The following YBX1 variants were observed in gnomAD, a reference collection of about 807,000 sequenced individuals.
YBX1 encodes Y-box binding protein 1, also known as Y-box-binding protein 1.
YBX1 carries 3 observed loss-of-function variants against 41.4 expected under a neutral mutation model. The observed-to-expected ratio is 0.07, with a 90% CI of 0.03 to 0.19. The LOEUF is 0.19. Ranked by LOEUF, YBX1 falls within the 10% of genes least tolerant of loss-of-function variation. The pLI is 1.00. For synonymous variants in YBX1, 133 were observed against 165.8 expected, an observed-to-expected ratio of 0.80 and a Z score of 1.52; for missense variants, 274 against 462.8, an observed-to-expected ratio of 0.59 and a Z score of 3.74.
chr1:42,694,443 C>T (rs1650411481), intron 3 of YBX1, among the ~76,000 whole-genome samples: 1 of 152,248 alleles, frequency 6.6e-6, no homozygotes, highest in African/African-American at 2.4e-5. Context: ...ATATTGTCAA[C>T]TTGTATTAAA....
Position 42,682,584 on chromosome 1 carries a change from AC to A in YBX1, c.22del (p.Gln8SerfsTer56). On this transcript the variant is annotated frameshift_variant, in exon 1 of 8. Transcript: ENST00000321358. LOFTEE classifies it high-confidence loss of function. Reference sequence around the variant, plus strand: ...CGCAACCATGAGCAGCGAGGCCGAGACCCAGCAGCCGCCCGCCGCCCCCCCC... The same window carrying A: ...CGCAACCATGAGCAGCGAGGCCGAGACCAGCAGCCGCCCGCCGCCCCCCCC... The part of the protein sequence containing the change: MSSEAE[T>X]QQPPAAPPAA... The A allele has an allele frequency of 6.9e-7, 1 of 1,457,108 alleles. No individual in the cohort carries two copies. The highest frequency in any genetic ancestry group is 2.4e-5 in the Admixed American group (1 of 41,168). 90.3% of individuals were successfully genotyped at this position (1,457,108 alleles called of 1,614,324 possible). A position where few individuals can be genotyped will look rare whatever the true frequency, so the allele number is the denominator to read the frequency against.
intron 2 of YBX1, among the ~76,000 whole-genome samples, chr1:42,687,593 A>AT (rs199542502): frequency 0.014 from 2,039 of 150,946 alleles, 48 homozygotes; most frequent in African/African-American, 0.046. Context: ...CTAAAGGGTG[A>AT]TTTTTTTTTC....
intron 2 of YBX1, among the ~76,000 whole-genome samples, chr1:42,691,787 A>G (rs1047109533): frequency 1.8e-4 from 27 of 152,224 alleles, no homozygotes; most frequent in African/African-American, 6.0e-4. Flanking sequence ...CCAAATCTTT[A>G]CATAGTCTTC....
chr1:42,692,152 A>G (rs542968074), intron 2 of YBX1, among the ~76,000 whole-genome samples: 1 of 152,358 alleles, frequency 6.6e-6, no homozygotes, highest in South Asian at 2.1e-4. Flanking sequence ...ATACCCTGCC[A>G]GGGGAAGTAT....
Position 42,686,956 on chromosome 1 carries a change from TGTC to T in YBX1, c.230+3491_230+3493del, listed in dbSNP as rs1557529232. On this transcript the variant is annotated intron_variant, in intron 2 of 7. Transcript: ENST00000321358. The stretch of plus-strand genomic sequence containing the variant: ...CCCTAGCCATTTTCAATTTGGTTGT[TGTC>T]CACATAGTTACAGATAATTTCTTAG... 3.9e-5 allele frequency among the ~76,000 whole-genome samples: 6 copies of T among 152,230 alleles called. No individual in the cohort carries two copies. The South Asian group carries it at 6.2e-4, about 16-fold the overall frequency.
intron 2 of YBX1, among the ~76,000 whole-genome samples, chr1:42,691,112 AC>A (rs1362282044): frequency 2.0e-5 from 3 of 152,238 alleles, no homozygotes; most frequent in Non-Finnish European, 4.4e-5. Flanking sequence ...GCAGATCAAT[AC>A]ATTTAAATCA....
chr1:42,700,782 G>C lies in YBX1; in HGVS notation c.742G>C (p.Gly248Arg). ...YRGYRPRFRRGPPRQRQPRED... is the reference protein window; with the variant it reads ...YRGYRPRFRRRPPRQRQPRED... The stretch of plus-strand genomic sequence containing the variant: ...TAAGTTTGACACCGTTCATTGCAGG[G>C]GCCCTCCTCGCCAAAGACAGCCTAG... The change falls in exon 7 of 8, where the codon GGC becomes CGC. Residue 248 changes from glycine to arginine, a missense_variant and splice_region_variant. Gly to Arg is a moderately radical substitution (Grantham distance 125). This residue lies in a region of YBX1 where 187 missense variants were observed against 306.3 expected (regional missense o/e 0.61). Transcript: ENST00000321358. 1 of 1,609,798 alleles carries C rather than the reference G, an allele frequency of 6.2e-7. No homozygotes were observed. The highest frequency in any genetic ancestry group is 8.5e-7 in the Non-Finnish European group (1 of 1,178,788).
intron 2 of YBX1, among the ~76,000 whole-genome samples, chr1:42,691,401 G>GA (rs1331144702): frequency 6.6e-6 from 1 of 152,156 alleles, no homozygotes; most frequent in Non-Finnish European, 1.5e-5. Context: ...TGTTGCGCAG[G>GA]ATGGAGTACA....
intron 6 of YBX1, among the ~76,000 whole-genome samples, chr1:42,700,205 A>G (rs1324937130): frequency 6.6e-6 from 1 of 152,206 alleles, no homozygotes; most frequent in Non-Finnish European, 1.5e-5. Context: ...TGACTCATGG[A>G]TACTAAAGGC....
chr1:42,697,288 A>C, intron 6 of YBX1, 26 bp downstream of exon 6: 1 of 1,607,508 alleles, frequency 6.2e-7, no homozygotes, highest in Non-Finnish European at 8.5e-7. Context: ...ACATGTTTCT[A>C]TTAAAATTTC....
At chr1:42,687,508 C>G (rs1432821953) in intron 2 of YBX1, among the ~76,000 whole-genome samples, 1 of 152,186 alleles carries the variant, frequency 6.6e-6, no homozygotes, top group African/African-American at 2.4e-5. Flanking sequence ...TCTCAAGCTC[C>G]TGACCTCAGG....
chr1:42,701,153 C>T, intron 7 of YBX1, 107 bp downstream of exon 7: 1 of 771,298 alleles, frequency 1.3e-6, no homozygotes, highest in Non-Finnish European at 2.1e-6. Flanking sequence ...ATAATGAAAG[C>T]CATGTTATTT....
chr1:42,693,549 C>T lies in YBX1; in HGVS notation c.264+26C>T. The T allele has an allele frequency of 1.2e-6, 2 of 1,611,224 alleles. 1 individual carries two copies. The highest frequency in any genetic ancestry group is 2.2e-5 in the South Asian group (2 of 90,684). Reference sequence around the variant, plus strand: ...GTGAGTGCTTGTGTAGATATTTGCACTTCTGATTCAAGGATTGTAAGAAGA... The same window carrying T: ...GTGAGTGCTTGTGTAGATATTTGCATTTCTGATTCAAGGATTGTAAGAAGA... On this transcript the variant is annotated intron_variant, in intron 3 of 7. Coordinates refer to ENST00000321358, the MANE Select transcript of YBX1 (RefSeq NM_004559.5).
Position 42,696,936 on chromosome 1 carries a change from G to C in YBX1, c.649G>C (p.Val217Leu). Residue 217 changes from valine (V) to leucine (L), a missense_variant, in exon 5 of 8, where the codon GTG (valine) becomes CTG (leucine). Physicochemically the swap from Val to Leu is conservative, Grantham distance 32. This residue lies in a region of YBX1 where 187 missense variants were observed against 306.3 expected (regional missense o/e 0.61). Transcript: ENST00000321358. This position sits in a 1 kb window ranked among gnomAD's most constrained non-coding sequence, Gnocchi z 5.7. ...QYSNPPVQGE[V>L]MEGADNQGAG... ...TTCCAACCCTCCTGTGCAGGGAGAAGTGATGGAGGTAAGTTTCACCATCAA... is the reference window on the plus strand; with the variant it reads ...TTCCAACCCTCCTGTGCAGGGAGAACTGATGGAGGTAAGTTTCACCATCAA... 6.4e-7 allele frequency: 1 copy of C among 1,556,314 alleles called. No homozygotes were observed. The highest frequency in any genetic ancestry group is 8.7e-7 in the Non-Finnish European group (1 of 1,150,036).
intron 6 of YBX1, among the ~76,000 whole-genome samples, chr1:42,699,618 G>GTT (rs1477963933): frequency 2.3e-5 from 3 of 128,412 alleles, no homozygotes; most frequent in African/African-American, 5.6e-5. Flanking sequence ...AATGAGGGTT[G>GTT]TTTTTTTTTT....
At position 42,702,637 on chromosome 1, in the gene YBX1, G is replaced by GT. The variant is rs1650633115; in HGVS notation, c.*691dup. ...TGGGTCCCTTTGGCTGTGAGGCATT[G>GT]TTTAAAAGGGCATTGCTCTAGCCTA... On this transcript the variant is annotated 3_prime_UTR_variant, in exon 8 of 8. Coordinates refer to ENST00000321358, the MANE Select transcript of YBX1 (RefSeq NM_004559.5). Among the ~76,000 whole-genome samples the GT allele has an allele frequency of 6.6e-6, 1 of 152,150 alleles. No homozygotes were observed. Among genetic ancestry groups the GT allele is most frequent in the African/African-American group, 2.4e-5 (1 of 41,442 alleles).
At chr1:42,683,930 G>A (rs2148734596) in intron 2 of YBX1, among the ~76,000 whole-genome samples, 1 of 152,214 alleles carries the variant, frequency 6.6e-6, no homozygotes, top group Non-Finnish European at 1.5e-5. Flanking sequence ...TTACCGAGAG[G>A]TTGTATTGCC....
chr1:42,698,036 G>A (rs535196304), intron 6 of YBX1, among the ~76,000 whole-genome samples: 7 of 152,264 alleles, frequency 4.6e-5, no homozygotes, highest in South Asian at 2.1e-4. Flanking sequence ...CAGTAATAAC[G>A]CATCTTAACT....
At chr1:42,688,380 A>G (rs1235237527) in intron 2 of YBX1, among the ~76,000 whole-genome samples, 1 of 152,204 alleles carries the variant, frequency 6.6e-6, no homozygotes, top group African/African-American at 2.4e-5. Flanking sequence ...ATTATTTACT[A>G]CCATAAAATG....
Sources: allele counts gnomAD v4.1 joint callset (sites outside exome capture counted in the v4.1 genomes callset), GRCh38; gene constraint gnomAD v4.1.1; regional missense constraint gnomAD v4.1.1; non-coding constraint Gnocchi (gnomAD v3.1); transcripts MANE v1.5; gene names NCBI Gene and HGNC (gene_info 2026-07-23, HGNC 2026-07-21).